Variants in SPDYA observed in about 807,000 individuals in gnomAD.
SPDYA encodes speedy protein A.
Under a neutral mutation model 36.7 loss-of-function variants are expected in SPDYA, and 11 were observed. The ratio of observed to expected loss-of-function variants is 0.30; its 90% confidence interval spans 0.19 to 0.50. The LOEUF is 0.50. SPDYA is among the 20% of genes least tolerant of loss of function. SPDYA has a pLI of 0.98. For synonymous variants in SPDYA, 115 were observed against 118.7 expected (o/e 0.97, Z 0.20); for missense variants, 287 against 370.9 (o/e 0.77, Z 1.86).
chr2:28,825,858 C>T (rs1558324969), intron 5 of SPDYA, among the ~76,000 whole-genome samples: 1 of 151,912 alleles, frequency 6.6e-6, no homozygotes, highest in Non-Finnish European at 1.5e-5. Flanking sequence ...TTGCCTCAGC[C>T]TCCTGAGTAG....
chr2:28,826,982 C>T (rs1668343804), intron 5 of SPDYA, among the ~76,000 whole-genome samples: 2 of 138,980 alleles, frequency 1.4e-5, no homozygotes, highest in Admixed American at 1.5e-4. Context: ...GAAGGAGTCT[C>T]GCTCTGTCGC....
At chr2:28,820,848 G>T (rs1426723278) in intron 4 of SPDYA, among the ~76,000 whole-genome samples, 1 of 152,152 alleles carries the variant, frequency 6.6e-6, no homozygotes, top group Non-Finnish European at 1.5e-5. Context: ...TACACTAGAA[G>T]AAGGTTTATA....
At chr2:28,833,819 A>G (rs1668528912) in intron 6 of SPDYA, among the ~76,000 whole-genome samples, 1 of 152,204 alleles carries the variant, frequency 6.6e-6, no homozygotes, top group Admixed American at 6.5e-5. Flanking sequence ...TTTCTTAGAC[A>G]TGATACCAAA....
intron 6 of SPDYA, among the ~76,000 whole-genome samples, chr2:28,829,999 T>C (rs562498821): frequency 3.9e-5 from 5 of 129,284 alleles, no homozygotes; most frequent in African/African-American, 1.5e-4. Context: ...ATTAACCAAA[T>C]GTGGTGGCTG....
chr2:28,826,808 G>A (rs1329586195), intron 5 of SPDYA, among the ~76,000 whole-genome samples: 1 of 150,332 alleles, frequency 6.7e-6, no homozygotes, highest in African/African-American at 2.4e-5. Flanking sequence ...TAGAGATGGG[G>A]TTTCTCCATG....
chr2:28,812,580 A>G (rs1437131433), intron 1 of SPDYA, among the ~76,000 whole-genome samples: 1 of 151,966 alleles, frequency 6.6e-6, no homozygotes, highest in Non-Finnish European at 1.5e-5. Context: ...AAGGAGGCCG[A>G]GCATGGTGTC....
intron 6 of SPDYA, 98 bp downstream of exon 6, chr2:28,829,417 GTTT>G (rs369022955): frequency 1.6e-5 from 14 of 855,544 alleles, no homozygotes; most frequent in East Asian, 3.2e-5. Flanking sequence ...GGTATTCTGG[GTTT>G]TTTTTTTTTT....
chr2:28,818,826 G>A (rs1471388888), intron 3 of SPDYA, among the ~76,000 whole-genome samples: 2 of 152,148 alleles, frequency 1.3e-5, no homozygotes, highest in Non-Finnish European at 2.9e-5. Flanking sequence ...ATATGTTAAG[G>A]CAAATCAGAT....
intron 7 of SPDYA, among the ~76,000 whole-genome samples, chr2:28,847,670 T>C (rs1176658091): frequency 1.3e-5 from 2 of 148,496 alleles, no homozygotes; most frequent in Non-Finnish European, 3.0e-5. Flanking sequence ...TGCTTGAACC[T>C]GGGAGTTGGA....
intron 5 of SPDYA, among the ~76,000 whole-genome samples, 200 bp from the exon 6 acceptor site, chr2:28,828,948 A>C (rs1558326369): frequency 6.6e-6 from 1 of 152,246 alleles, no homozygotes; most frequent in Admixed American, 6.5e-5. Context: ...ACAAAGCTCA[A>C]GATTTGTAGG....
intron 2 of SPDYA, 74 bp from the exon 3 acceptor site, chr2:28,815,923 T>C: frequency 1.1e-6 from 1 of 912,308 alleles, no homozygotes; most frequent in Non-Finnish European, 1.7e-6. Context: ...CTGCATATGG[T>C]AGTATCATCC....
chr2:28,848,177 A>C (rs1433274660), intron 7 of SPDYA, among the ~76,000 whole-genome samples: 1 of 152,238 alleles, frequency 6.6e-6, no homozygotes, highest in Non-Finnish European at 1.5e-5. Context: ...AGTTACATAC[A>C]GAAATATACC....
intron 6 of SPDYA, among the ~76,000 whole-genome samples, chr2:28,839,342 A>G (rs1167137193): frequency 6.6e-6 from 1 of 150,642 alleles, no homozygotes; most frequent in Non-Finnish European, 1.5e-5. Context: ...CCTCGCAGCA[A>G]CCCTCTAAAA....
chr2:28,830,706 T>C (rs1014181321), intron 6 of SPDYA, among the ~76,000 whole-genome samples: 12 of 152,238 alleles, frequency 7.9e-5, no homozygotes, highest in Non-Finnish European at 1.2e-4. Flanking sequence ...TTAAATGGTA[T>C]ACAATTTAAA....
rs1230406427 is a variant in SPDYA, at chr2:28,830,622, GAAT to G, written c.552+1310_552+1312del. On this transcript the variant is annotated intron_variant, in intron 6 of 7. Transcript: ENST00000334056. Reference sequence around the variant, plus strand: ...TTAGGATTACAATAACACTGGAGTTGAATAATAATTTCTGCTCAATAAAGTATG... The same window carrying G: ...TTAGGATTACAATAACACTGGAGTTGAATAATTTCTGCTCAATAAAGTATG... Among the ~76,000 whole-genome samples, 3 of 152,088 alleles carry G rather than the reference GAAT, an allele frequency of 2.0e-5. No individual in the cohort carries two copies. In the East Asian group the frequency reaches 5.8e-4, roughly 29 times the overall value.
intron 6 of SPDYA, among the ~76,000 whole-genome samples, chr2:28,835,486 C>T (rs1022959020): frequency 3.3e-5 from 5 of 152,162 alleles, no homozygotes; most frequent in Non-Finnish European, 7.3e-5. Context: ...ATCCACCTGC[C>T]TCAGCCTCCC....
intron 5 of SPDYA, among the ~76,000 whole-genome samples, chr2:28,824,615 C>G (rs973455909): frequency 2.8e-5 from 4 of 141,560 alleles, no homozygotes; most frequent in African/African-American, 1.1e-4. Flanking sequence ...GGCATTATCT[C>G]AGCTTGCTGC....
chr2:28,830,532 T>G (rs1381747297), intron 6 of SPDYA, among the ~76,000 whole-genome samples: 13 of 152,100 alleles, frequency 8.5e-5, no homozygotes, highest in Admixed American at 8.5e-4. Context: ...TTAGTGTATT[T>G]CTTCTGTCTA....
At chr2:28,835,887 G>C (rs905460326) in intron 6 of SPDYA, among the ~76,000 whole-genome samples, 1 of 152,184 alleles carries the variant, frequency 6.6e-6, no homozygotes, top group African/African-American at 2.4e-5. Context: ...TGCCCTGGGA[G>C]TTTATTGTAA....
Sources: allele counts gnomAD v4.1 joint callset (sites outside exome capture counted in the v4.1 genomes callset), GRCh38; gene constraint gnomAD v4.1.1; transcripts MANE v1.5; gene names NCBI Gene and HGNC (gene_info 2026-07-23, HGNC 2026-07-21).